Variants in ERBIN observed in about 807,000 individuals in gnomAD.
ERBIN encodes the protein erbb2 interacting protein, also known as densin-180-like protein.
ERBIN carries 60 observed loss-of-function variants against 158.4 expected under a neutral mutation model. That is an observed-to-expected ratio of 0.38 (90% CI 0.31 to 0.47). The LOEUF (loss-of-function observed/expected upper bound fraction) is 0.47. Ranked by LOEUF, ERBIN falls within the 20% of genes least tolerant of loss-of-function variation. The probability of loss-of-function intolerance (pLI) is 0.99; values close to 1 mark genes in which losing one functional copy is unlikely to be tolerated. For missense variants in ERBIN, 1,610 were observed against 1,648.0 expected, an observed-to-expected ratio of 0.98 and a Z score of 0.40; for synonymous variants, 594 against 557.2, an observed-to-expected ratio of 1.07 and a Z score of -0.93.
intron 21 of ERBIN, among the ~76,000 whole-genome samples, chr5:66,063,159 A>C (rs1315392522): frequency 6.6e-6 from 1 of 152,184 alleles, no homozygotes; most frequent in African/African-American, 2.4e-5. Flanking sequence ...CGAGGCACGC[A>C]GGCCTCCTTG....
At chr5:66,064,583 A>T (rs992191164) in intron 21 of ERBIN, among the ~76,000 whole-genome samples, 7 of 152,212 alleles carry the variant, frequency 4.6e-5, no homozygotes, top group African/African-American at 1.7e-4. Context: ...TTGACACAAT[A>T]AACAAAAGAG....
At chr5:65,977,416 C>T (rs1239455143) in intron 1 of ERBIN, among the ~76,000 whole-genome samples, 5 of 150,726 alleles carry the variant, frequency 3.3e-5, no homozygotes, top group East Asian at 4.0e-4. Context: ...GGCTGCCGGG[C>T]GGAGGGGCTC....
intron 8 of ERBIN, among the ~76,000 whole-genome samples, chr5:66,022,280 A>G (rs1351801755): frequency 4.6e-5 from 7 of 152,160 alleles, no homozygotes; most frequent in Non-Finnish European, 1.0e-4. Context: ...CCGTTTCCGT[A>G]TTAACTATTT....
rs545878623 is a variant in ERBIN at position 65,927,472 on chromosome 5, C to G, written c.-58+666C>G. On this transcript the variant is annotated intron_variant, in intron 1 of 25. Transcript: ENST00000284037. ...TGTTTAATTAATTGAAAGCAAGGAT[C>G]GACTAGGCTTTTCTTGTAACTGATC... Among the ~76,000 whole-genome samples, 4 of 152,100 alleles carry G rather than the reference C, an allele frequency of 2.6e-5. No homozygotes were observed. The East Asian group carries it at 7.7e-4, about 29-fold the overall frequency.
intron 22 of ERBIN, among the ~76,000 whole-genome samples, chr5:66,073,400 G>GT (rs200473164): frequency 0.058 from 8,790 of 152,036 alleles, 889 homozygotes; most frequent in African/African-American, 0.2. Context: ...TAATAAACAG[G>GT]TTTTTTTCCT....
intron 1 of ERBIN, among the ~76,000 whole-genome samples, chr5:65,927,388 A>T (rs1194545317): frequency 6.6e-6 from 1 of 152,180 alleles, no homozygotes; most frequent in Non-Finnish European, 1.5e-5. Context: ...CAGGGTGAGT[A>T]ATATATTTCT....
chr5:66,061,801 G>A (rs1760397916), intron 21 of ERBIN, among the ~76,000 whole-genome samples: 1 of 152,124 alleles, frequency 6.6e-6, no homozygotes, highest in South Asian at 2.1e-4. Context: ...CTTCACTTAT[G>A]AAGCTTAGTT....
At position 66,018,558 on chromosome 5, in the gene ERBIN, T is replaced by G. The variant is rs1408183174; in HGVS notation, c.534-2764T>G. ...TATATAATATATATTATATATTATA[T>G]AATATATATTATATTATATAATATA... On this transcript the variant is annotated intron_variant, in intron 7 of 25. Coordinates refer to ENST00000284037, the MANE Select transcript of ERBIN (RefSeq NM_001253697.2). Among the ~76,000 whole-genome samples the G allele has an allele frequency of 1.3e-4, 2 of 15,018 alleles. 1 individual carries two copies. The highest frequency in any genetic ancestry group is 2.8e-4 in the Non-Finnish European group (2 of 7,074). The allele number at this position is 15,018 out of a possible 152,430, so 9.9% of individuals were successfully genotyped here.
intron 16 of ERBIN, among the ~76,000 whole-genome samples, chr5:66,043,861 C>A (rs2151204332): frequency 6.6e-6 from 1 of 152,192 alleles, no homozygotes; most frequent in South Asian, 2.1e-4. Flanking sequence ...CTAAGTGACA[C>A]AATTTTTGGC....
chr5:65,961,527 T>C (rs1014278995), intron 1 of ERBIN, among the ~76,000 whole-genome samples: 14 of 152,206 alleles, frequency 9.2e-5, no homozygotes, highest in African/African-American at 3.1e-4. Flanking sequence ...ATTGTAATTA[T>C]TAAGAGCAGG....
At chr5:65,970,463 CACTA>C (rs201982213) in intron 1 of ERBIN, among the ~76,000 whole-genome samples, 6,096 of 152,246 alleles carry the variant, frequency 0.04, 413 homozygotes, top group African/African-American at 0.14. Context: ...CTGCTGGCAA[CACTA>C]ACTACTATTT....
chr5:65,953,246 A>G (rs987019607), intron 1 of ERBIN, among the ~76,000 whole-genome samples: 1 of 152,222 alleles, frequency 6.6e-6, no homozygotes, highest in African/African-American at 2.4e-5. Flanking sequence ...AAGGATACAC[A>G]GTCTAGTTGG....
At chr5:66,063,808 T>C (rs1369495928) in intron 21 of ERBIN, among the ~76,000 whole-genome samples, 1 of 152,240 alleles carries the variant, frequency 6.6e-6, no homozygotes. Context: ...CTGTTAAATA[T>C]ACTTATCTGT....
At chr5:66,041,597 A>G (rs1757925044) in intron 15 of ERBIN, among the ~76,000 whole-genome samples, 1 of 152,042 alleles carries the variant, frequency 6.6e-6, no homozygotes, top group African/African-American at 2.4e-5. Context: ...AGTGACGAGA[A>G]TTTGACAAGA....
At chr5:66,034,917 G>A (rs1757242022) in intron 14 of ERBIN, among the ~76,000 whole-genome samples, 1 of 152,104 alleles carries the variant, frequency 6.6e-6, no homozygotes, top group Non-Finnish European at 1.5e-5. Context: ...GTACAAAAGG[G>A]GAGTCAAAGA....
intron 1 of ERBIN, among the ~76,000 whole-genome samples, chr5:65,969,940 A>G (rs1050727939): frequency 1.3e-5 from 2 of 152,168 alleles, no homozygotes; most frequent in African/African-American, 2.4e-5. Context: ...GGGAATTACT[A>G]TTAATTGTTT....
At chr5:66,023,251 T>C in intron 8 of ERBIN, 39 bp from the exon 9 acceptor site, 1 of 1,460,384 alleles carries the variant, frequency 6.8e-7, no homozygotes. Flanking sequence ...TCATAAAAAT[T>C]AATTGAATTA....
At position 66,066,180 on chromosome 5, in the gene ERBIN, G is replaced by A. The variant is rs1017833848; in HGVS notation, c.3634-5989G>A. ...GATGGTGTAATCAGAATGTATGGGC[G>A]TTAGAAGCAGATTGAAAGTGCTACA... On this transcript the variant is annotated intron_variant, in intron 21 of 25. Transcript: ENST00000284037. Among the ~76,000 whole-genome samples, 7 of 152,014 alleles carry A rather than the reference G, an allele frequency of 4.6e-5. No homozygotes were observed. The South Asian group carries it at 6.2e-4, about 13-fold the overall frequency.
Position 65,961,671 on chromosome 5 carries a change from C to A in ERBIN, c.-57-26964C>A, listed in dbSNP as rs145949444. ...CTAGACTTATTTCCATTAGGAAATT[C>A]CAGCTTTATTTTGTAATACTAAGTA... On this transcript the variant is annotated intron_variant, in intron 1 of 25. Coordinates refer to ENST00000284037, the MANE Select transcript of ERBIN (RefSeq NM_001253697.2). Among the ~76,000 whole-genome samples, 271 of 152,168 alleles carry A rather than the reference C, an allele frequency of 1.8e-3. 1 individual carries two copies. The highest frequency in any genetic ancestry group is 6.3e-3 in the African/African-American group (263 of 41,514).
Sources: gnomAD v4.1 joint callset for allele counts (sites outside exome capture counted in the v4.1 genomes callset) on GRCh38, gnomAD v4.1.1 for gene constraint, MANE v1.5 for transcripts, NCBI Gene and HGNC (gene_info 2026-07-23, HGNC 2026-07-21) for gene names.